The following CIC variants were observed in gnomAD, a reference collection of about 807,000 sequenced individuals.
The protein encoded by CIC is capicua transcriptional repressor, also known as protein capicua homolog.
In CIC, 18 loss-of-function variants were observed where a neutral mutation model predicts 115.7. The observed-to-expected ratio is 0.16, with a 90% CI of 0.11 to 0.23. CIC has a LOEUF of 0.23. CIC is among the 10% of genes least tolerant of loss of function. The probability of loss-of-function intolerance (pLI) is 1.00; values close to 1 mark genes in which losing one functional copy is unlikely to be tolerated. For missense variants in CIC, 2,000 were observed against 2,159.3 expected (o/e 0.93, Z 1.46); for synonymous variants, 1,076 against 923.0 (o/e 1.17, Z -3.01).
intron 16 of CIC, 97 bp from the exon 17 acceptor site, chr19:42,293,495 G>A (rs1427135883): frequency 6.3e-7 from 1 of 1,589,060 alleles, no homozygotes; most frequent in Non-Finnish European, 8.6e-7. Context: ...TTCTCAAGGG[G>A]TCTGCTGGGC....
chr19:42,287,947 G>T lies in CIC; in HGVS notation c.3630G>T (p.Ser1210=). The change falls in exon 7 of 21, where the codon TCG becomes TCT. Residue 1210 remains serine (S), a synonymous_variant. Coordinates refer to ENST00000681038, the MANE Select transcript of CIC (RefSeq NM_001386298.1). This position sits in a 1 kb window ranked among gnomAD's most constrained non-coding sequence, Gnocchi z 8.7. ...AGGAGACGCGGGAGCGGAGCATGTC[G>T]GAGACGGGCACTGCTGCTGCCCCTG... The part of the protein sequence containing the change: ...GHKETRERSM[S]ETGTAAAPGV... The T allele has an allele frequency of 6.2e-7, 1 of 1,602,090 alleles. No homozygotes were observed. The highest frequency in any genetic ancestry group is 8.5e-7 in the Non-Finnish European group (1 of 1,174,976).
intron 2 of CIC, among the ~76,000 whole-genome samples, chr19:42,275,267 C>G (rs1252903500): frequency 3.3e-5 from 5 of 152,210 alleles, no homozygotes; most frequent in Non-Finnish European, 5.9e-5. Flanking sequence ...CTGGAGCCCT[C>G]ATCTTTACCA....
At chr19:42,290,071 C>T (rs1051467538) in intron 10 of CIC, 120 bp downstream of exon 10, 3 of 1,384,696 alleles carry the variant, frequency 2.2e-6, no homozygotes, top group African/African-American at 2.8e-5. Flanking sequence ...GCTGCTTGCC[C>T]CGTGGGGAGT....
chr19:42,285,130 C>T (rs568077989), intron 2 of CIC, among the ~76,000 whole-genome samples: 27 of 152,156 alleles, frequency 1.8e-4, no homozygotes, highest in Admixed American at 8.5e-4. Context: ...GGGCTAAGGA[C>T]AGGGCTCAGG....
In CIC at chr19:42,290,359, G is replaced by A. The variant is rs141023382; in HGVS notation, c.4318G>A (p.Ala1440Thr). 3.0e-5 allele frequency: 48 copies of A among 1,614,014 alleles called. No individual in the cohort carries two copies. The African/African-American group carries it at 3.3e-4, about 11-fold the overall frequency. The stretch of plus-strand genomic sequence containing the variant: ...AGCCTTTGGCAAAGGCTATGGTTCC[G>A]CCCCATCCTCCTCTGCGTCCTCGCC... Reference protein sequence around the residue: ...PVAFGKGYGSAPSSSASSPAS... With the variant: ...PVAFGKGYGSTPSSSASSPAS... Residue 1440 changes from alanine to threonine, a missense_variant, in exon 11 of 21, where the codon GCC (alanine) becomes ACC (threonine). Transcript: ENST00000681038.
At chr19:42,282,569 T>C (rs1324406738) in intron 2 of CIC, among the ~76,000 whole-genome samples, 1 of 152,206 alleles carries the variant, frequency 6.6e-6, no homozygotes, top group Non-Finnish European at 1.5e-5. Context: ...CGTGGCTCTG[T>C]ATCATTGTCT....
Position 42,292,164 on chromosome 19 carries a change from C to T in CIC, c.5692C>T (p.Pro1898Ser), listed in dbSNP as rs2147293736. 6.2e-7 allele frequency: 1 copy of T among 1,614,054 alleles called. No homozygotes were observed. The highest frequency in any genetic ancestry group is 8.5e-7 in the Non-Finnish European group (1 of 1,180,026). Residue 1898 changes from proline (P) to serine (S), a missense_variant, in exon 13 of 21, where the codon CCC (proline) becomes TCC (serine). Transcript: ENST00000681038. ...PPLSPATLPG[P>S]TSQPQKVLLP... ...CCTGAGCCCAGCCACACTCCCTGGA[C>T]CCACCTCTCAGCCTCAGAAGGTCCT...
intron 12 of CIC, 55 bp downstream of exon 12, chr19:42,291,800 T>A: frequency 6.3e-7 from 1 of 1,598,892 alleles, no homozygotes; most frequent in Non-Finnish European, 8.6e-7. Context: ...TACCCCATCA[T>A]TTCTTTGTCT....
chr19:42,284,982 G>A (rs2037526569), intron 2 of CIC, among the ~76,000 whole-genome samples: 1 of 152,138 alleles, frequency 6.6e-6, no homozygotes. Context: ...CAGCTGTGAT[G>A]TTAAAGTGAT....
rs746550495 is a variant in CIC, at chr19:42,294,803, C to T, written c.7187-21C>T. ...ATCTGTACATCTCATCCTGTGCTCC[C>T]CACCGTTTTTCTATCTCCAGCCCAG... is the stretch of plus-strand genomic sequence containing the variant. On this transcript the variant is annotated intron_variant, in intron 20 of 20. Coordinates refer to ENST00000681038, the MANE Select transcript of CIC (RefSeq NM_001386298.1). The T allele has an allele frequency of 2.5e-6, 4 of 1,605,988 alleles. No homozygotes were observed. In the East Asian group the frequency reaches 6.7e-5, roughly 27 times the overall value.
Position 42,270,750 on chromosome 19 carries a change from G to C in CIC, c.-10-1024G>C, listed in dbSNP as rs933872535. On this transcript the variant is annotated intron_variant, in intron 1 of 20. Transcript: ENST00000681038. This position sits in a 1 kb window ranked among gnomAD's most constrained non-coding sequence, Gnocchi z 4.1. ...TGCGGGTATCACGCTGGGTGCTGTGGGGGGAGGAGCAGGCTCCCATCCAGT... is the reference window on the plus strand; with the variant it reads ...TGCGGGTATCACGCTGGGTGCTGTGCGGGGAGGAGCAGGCTCCCATCCAGT... 1.3e-5 allele frequency among the ~76,000 whole-genome samples: 2 copies of C among 152,070 alleles called. No homozygotes were observed. Among genetic ancestry groups the C allele is most frequent in the African/African-American group, 4.8e-5 (2 of 41,500 alleles).
chr19:42,281,036 C>A (rs1156229085), intron 2 of CIC, among the ~76,000 whole-genome samples: 14 of 151,176 alleles, frequency 9.3e-5, no homozygotes, highest in Non-Finnish European at 2.1e-4. Flanking sequence ...CACTGACTCA[C>A]CCCGGCGCTA....
chr19:42,289,543 A>AGGCCCTGCCGAGTAAATCC (rs2037918672), intron 9 of CIC, 137 bp downstream of exon 9: 7 of 1,033,980 alleles, frequency 6.8e-6, no homozygotes, highest in Non-Finnish European at 1.0e-5. Flanking sequence ...TGGCCAGTTC[A>AGGCCCTGCCGAGTAAATCC]GGCCCTGCCG....
At chr19:42,284,892 G>A (rs1202476362) in intron 2 of CIC, 9 of 939,070 alleles carry the variant, frequency 9.6e-6, no homozygotes, top group African/African-American at 5.0e-5. Flanking sequence ...AGGGATGACG[G>A]GGAAAGTTAC....
In CIC at chr19:42,280,998, G is replaced by A. The variant is rs982339346; in HGVS notation, c.2795-5773G>A. On this transcript the variant is annotated intron_variant, in intron 2 of 20. Transcript: ENST00000681038. The surrounding 1 kb of genome is among the most constrained non-coding windows in gnomAD (Gnocchi z 4.9). ...CTCCCCAGTCTCTCTTTTCCTCCTG[G>A]TCCCCCTGCCTACCCCAGCCCCACT... Among the ~76,000 whole-genome samples, 8 of 151,130 alleles carry A rather than the reference G, an allele frequency of 5.3e-5. 1 individual carries two copies.
At chr19:42,271,680 C>G in intron 1 of CIC, 94 bp from the exon 2 acceptor site, 2 of 397,874 alleles carry the variant, frequency 5.0e-6, no homozygotes, top group East Asian at 7.1e-5. Context: ...GGGATGGAGA[C>G]AGTAGACTCA....
chr19:42,289,276 G>T lies in CIC; in HGVS notation c.3957G>T (p.Leu1319Phe), dbSNP rs1380031267. Residue 1319 changes from leucine to phenylalanine, a missense_variant, in exon 9 of 21, where the codon TTG (leucine) becomes TTT (phenylalanine). Around this residue, in one of 8 missense-constraint regions of CIC, gnomAD observed 1,466 missense variants for 1,390.4 expected, o/e 1.05. Coordinates refer to ENST00000681038, the MANE Select transcript of CIC (RefSeq NM_001386298.1). ...PFAAPGEGGA[L>F]AATGRPPLLP... ...CAGCCCCTGGTGAGGGAGGTGCCTT[G>T]GCGGCCACTGGGCGGCCCCCGCTGC... The T allele has an allele frequency of 3.7e-6, 6 of 1,613,668 alleles. No individual in the cohort carries two copies. Among genetic ancestry groups the T allele is most frequent in the Non-Finnish European group, 5.1e-6 (6 of 1,180,022 alleles).
Position 42,286,788 on chromosome 19 carries a change from C to G in CIC, c.2812C>G (p.Pro938Ala). 6.2e-7 allele frequency: 1 copy of G among 1,614,036 alleles called. No homozygotes were observed. The highest frequency in any genetic ancestry group is 8.5e-7 in the Non-Finnish European group (1 of 1,179,980). ...TTCCACAGTGTGGACGAATGTGGAA[C>G]CTCGCTCTGTGGCTGTGTTCCCTTG... is the stretch of plus-strand genomic sequence containing the variant. ...RPGTVWTNVE[P>A]RSVAVFPWHS... The change falls in exon 3 of 21, where the codon CCT (proline) becomes GCT (alanine). Residue 938 changes from proline (P) to alanine (A), a missense_variant. Coordinates refer to ENST00000681038, the MANE Select transcript of CIC (RefSeq NM_001386298.1).
chr19:42,294,451 C>T, intron 19 of CIC, 147 bp downstream of exon 19: 1 of 1,539,884 alleles, frequency 6.5e-7, no homozygotes, highest in Non-Finnish European at 8.8e-7. Flanking sequence ...TGGAGTCTGG[C>T]AGGCCCCTAG....
Sources: allele counts gnomAD v4.1 joint callset (sites outside exome capture counted in the v4.1 genomes callset), GRCh38; gene constraint gnomAD v4.1.1; regional missense constraint gnomAD v4.1.1; non-coding constraint Gnocchi (gnomAD v3.1); transcripts MANE v1.5; gene names NCBI Gene and HGNC (gene_info 2026-07-23, HGNC 2026-07-21).